UIMC1: variants seen among roughly 807,000 people sequenced by gnomAD.
UIMC1 encodes ubiquitin interaction motif containing 1.
UIMC1 carries 42 observed loss-of-function variants against 84.9 expected under a neutral mutation model. That is an observed-to-expected ratio of 0.49 (90% CI 0.39 to 0.64). The LOEUF is 0.64. UIMC1 is among the 30% of genes least tolerant of loss of function. UIMC1 has a pLI of 0.00. For missense variants in UIMC1, 825 were observed against 847.6 expected, an observed-to-expected ratio of 0.97 and a Z score of 0.33; for synonymous variants, 281 against 293.0, an observed-to-expected ratio of 0.96 and a Z score of 0.42.
At chr5:176,973,930 C>T (rs1769655950) in intron 3 of UIMC1, among the ~76,000 whole-genome samples, 1 of 151,990 alleles carries the variant, frequency 6.6e-6, no homozygotes, top group Admixed American at 6.6e-5. Flanking sequence ...TATGGTGATG[C>T]ATGCCTGTTA....
At chr5:176,949,299 T>G (rs1256841964) in intron 9 of UIMC1, among the ~76,000 whole-genome samples, 1 of 152,102 alleles carries the variant, frequency 6.6e-6, no homozygotes, top group African/African-American at 2.4e-5. Flanking sequence ...ACATTCAATG[T>G]GAGAAAGGCT....
intron 10 of UIMC1, among the ~76,000 whole-genome samples, chr5:176,913,126 C>T (rs531411808): frequency 6.6e-6 from 1 of 152,206 alleles, no homozygotes; most frequent in Non-Finnish European, 1.5e-5. Context: ...AGCTGCATTA[C>T]AACATCTTGG....
chr5:177,002,672 G>A (rs1218128260), intron 1 of UIMC1, among the ~76,000 whole-genome samples: 2 of 152,046 alleles, frequency 1.3e-5, no homozygotes, highest in African/African-American at 2.4e-5. Flanking sequence ...GTAGTGGCAC[G>A]CGCCTGTAGT....
At chr5:176,955,906 T>A in intron 8 of UIMC1, 53 bp downstream of exon 8, 4 of 1,564,438 alleles carry the variant, frequency 2.6e-6, no homozygotes, top group Non-Finnish European at 3.5e-6. Flanking sequence ...TTAATAGGCA[T>A]GAAAAGGTAA....
intron 2 of UIMC1, among the ~76,000 whole-genome samples, chr5:176,982,013 C>T (rs1222611013): frequency 6.6e-6 from 1 of 152,100 alleles, no homozygotes; most frequent in Non-Finnish European, 1.5e-5. Context: ...CTGACACTAG[C>T]CTTATGTGTC....
At chr5:176,945,081 A>G (rs547251872) in intron 9 of UIMC1, among the ~76,000 whole-genome samples, 6 of 152,332 alleles carry the variant, frequency 3.9e-5, no homozygotes, top group Admixed American at 6.5e-5. Flanking sequence ...CCATTCTATC[A>G]TGTTGTGGCA....
chr5:176,984,409 GCCA>G (rs201679004), intron 1 of UIMC1, among the ~76,000 whole-genome samples: 2 of 138,200 alleles, frequency 1.4e-5, no homozygotes, highest in Admixed American at 7.3e-5. Flanking sequence ...CTGCCCGGCC[GCCA>G]CCCCGTCTGG....
intron 10 of UIMC1, among the ~76,000 whole-genome samples, chr5:176,914,069 T>TACCATACCATACCATACCACACCAC (rs1343483368): frequency 1.4e-5 from 2 of 144,418 alleles, no homozygotes; most frequent in African/African-American, 5.7e-5. Context: ...TACCATACCA[T>TACCATACCATACCATACCACACCAC]ACCACACCAC....
rs1228087196 is a variant in UIMC1, at chr5:176,986,556, AAG to A, written c.-8-3935_-8-3934del. On this transcript the variant is annotated intron_variant, in intron 1 of 14. Coordinates refer to ENST00000511320, the MANE Select transcript of UIMC1 (RefSeq NM_001199298.2). ...CTGTCTCCAAAAAAAAAAAAAAAAA[AAG>A]GCTGGGCACACTGGCTCACACCTAT... Among the ~76,000 whole-genome samples, 2 of 149,100 alleles carry A rather than the reference AAG, an allele frequency of 1.3e-5. 1 individual carries two copies. The highest frequency in any genetic ancestry group is 4.9e-5 in the African/African-American group (2 of 40,576).
At chr5:176,955,841 A>C in intron 8 of UIMC1, 118 bp downstream of exon 8, 1 of 876,298 alleles carries the variant, frequency 1.1e-6, no homozygotes, top group African/African-American at 1.7e-5. Context: ...ATGTACATAC[A>C]CGTATCAATT....
At chr5:176,907,859 C>T (rs1759598066) in intron 12 of UIMC1, among the ~76,000 whole-genome samples, 1 of 152,140 alleles carries the variant, frequency 6.6e-6, no homozygotes, top group South Asian at 2.1e-4. Context: ...CCTAATAGTT[C>T]CGTATCAGAA....
Position 176,927,218 on chromosome 5 carries a change from A to C in UIMC1, c.1598-15829T>G, listed in dbSNP as rs1762487784. On this transcript the variant is annotated intron_variant, in intron 10 of 14. Transcript: ENST00000511320. ...TTTCTTTAAAAAAGAAAAAAAAAAA[A>C]AAAAAAAGCACCAGTAGTGTGTCAC... Among the ~76,000 whole-genome samples the C allele has an allele frequency of 2.2e-5, 3 of 138,544 alleles. 1 individual carries two copies. The highest frequency in any genetic ancestry group is 4.7e-5 in the Non-Finnish European group (3 of 63,650). 90.9% of individuals were successfully genotyped at this position (138,544 alleles called of 152,430 possible). A position where few individuals can be genotyped will look rare whatever the true frequency, so the allele number is the denominator to read the frequency against.
intron 9 of UIMC1, among the ~76,000 whole-genome samples, chr5:176,947,170 C>A (rs1198666278): frequency 6.6e-6 from 1 of 152,086 alleles, no homozygotes; most frequent in East Asian, 1.9e-4. Flanking sequence ...TCATAGGCAA[C>A]CCTGAAGGTT....
chr5:176,983,542 T>C (rs181826882), intron 1 of UIMC1, among the ~76,000 whole-genome samples: 169 of 152,288 alleles, frequency 1.1e-3, no homozygotes, highest in African/African-American at 3.8e-3. Flanking sequence ...ATGCTCAATG[T>C]TGCCCAGGCT....
chr5:176,940,743 A>G (rs79306538), intron 10 of UIMC1, among the ~76,000 whole-genome samples: 7,680 of 152,240 alleles, frequency 0.05, 345 homozygotes, highest in African/African-American at 0.12. Flanking sequence ...TTAAAAAAAA[A>G]TCTCTGACAT....
intron 9 of UIMC1, among the ~76,000 whole-genome samples, chr5:176,949,572 C>T (rs1425174632): frequency 1.3e-5 from 2 of 152,168 alleles, no homozygotes; most frequent in East Asian, 1.9e-4. Context: ...CAGGATCTGT[C>T]GTCAGTCACT....
intron 1 of UIMC1, among the ~76,000 whole-genome samples, chr5:177,006,074 G>A (rs1303790688): frequency 3.3e-5 from 5 of 152,184 alleles, no homozygotes; most frequent in Non-Finnish European, 7.4e-5. Context: ...ACCCGGCACG[G>A]GAAGGAGCGC....
chr5:176,963,482 C>T (rs529938901), intron 6 of UIMC1, among the ~76,000 whole-genome samples: 2 of 149,544 alleles, frequency 1.3e-5, no homozygotes, highest in Admixed American at 6.7e-5. Context: ...GATCGTGTCA[C>T]TGCACTCCAG....
chr5:176,911,100 AAG>A (rs1054828052), intron 11 of UIMC1, among the ~76,000 whole-genome samples: 6 of 144,292 alleles, frequency 4.2e-5, no homozygotes, highest in Non-Finnish European at 7.6e-5. Flanking sequence ...AAAAAAAAAA[AAG>A]AGAGAGAGAG....
Sources: allele counts gnomAD v4.1 joint callset (sites outside exome capture counted in the v4.1 genomes callset), GRCh38; gene constraint gnomAD v4.1.1; transcripts MANE v1.5; gene names NCBI Gene and HGNC (gene_info 2026-07-23, HGNC 2026-07-21).